SEMA3A: variants seen among roughly 807,000 people sequenced by gnomAD.
SEMA3A encodes semaphorin-3A.
In SEMA3A, 29 loss-of-function variants were observed where a neutral mutation model predicts 97.9. The ratio of observed to expected loss-of-function variants is 0.30; its 90% CI spans 0.22 to 0.40. The LOEUF is 0.40. Among genes scored for constraint, SEMA3A ranks in the 10% least tolerant of loss-of-function variants. The probability of loss-of-function intolerance (pLI) is 1.00; values close to 1 mark genes in which losing one functional copy is unlikely to be tolerated. For missense variants in SEMA3A, 763 were observed against 951.3 expected, an observed-to-expected ratio of 0.80 and a Z score of 2.60; for synonymous variants, 321 against 323.7, an observed-to-expected ratio of 0.99 and a Z score of 0.09.
At chr7:84,051,689 G>C (rs916913314) in intron 5 of SEMA3A, among the ~76,000 whole-genome samples, 1 of 152,026 alleles carries the variant, frequency 6.6e-6, no homozygotes. Context: ...TTTCCTAATT[G>C]AATACCCTTT....
intron 2 of SEMA3A, among the ~76,000 whole-genome samples, chr7:84,332,035 C>T (rs1159312011): frequency 1.3e-5 from 2 of 152,090 alleles, no homozygotes; most frequent in Admixed American, 6.6e-5. Flanking sequence ...AGCTTATTCA[C>T]AAAATTCTCA....
intron 3 of SEMA3A, among the ~76,000 whole-genome samples, chr7:84,258,228 G>A (rs1799761056): frequency 6.6e-6 from 1 of 152,098 alleles, no homozygotes; most frequent in South Asian, 2.1e-4. Flanking sequence ...GGAGATATGT[G>A]GCTTTCAAGC....
intron 15 of SEMA3A, among the ~76,000 whole-genome samples, chr7:83,976,378 T>G (rs2116302598): frequency 6.6e-6 from 1 of 152,262 alleles, no homozygotes; most frequent in African/African-American, 2.4e-5. Flanking sequence ...TTTCAGCCAT[T>G]TTTAACTATG....
intron 3 of SEMA3A, among the ~76,000 whole-genome samples, chr7:84,264,312 A>G (rs1232547284): frequency 6.6e-6 from 1 of 152,174 alleles, no homozygotes; most frequent in Non-Finnish European, 1.5e-5. Context: ...CCTAAAACAA[A>G]CTACTTGGGG....
chr7:84,406,169 A>G (rs1354601203), intron 1 of SEMA3A, among the ~76,000 whole-genome samples: 1 of 152,188 alleles, frequency 6.6e-6, no homozygotes, highest in Non-Finnish European at 1.5e-5. Flanking sequence ...AATAAAGAAG[A>G]AAAGAGAGAA....
At position 84,405,952 on chromosome 7, in the gene SEMA3A, A is replaced by T. The variant is rs556234939; in HGVS notation, c.-245-34052T>A. Among the ~76,000 whole-genome samples the T allele has an allele frequency of 9.8e-5, 15 of 152,318 alleles. No individual in the cohort carries two copies. In the East Asian group the frequency reaches 1.2e-3, roughly 12 times the overall value. On this transcript the variant is annotated intron_variant, in intron 1 of 3. Transcript: ENST00000424555. ...ATGGCCACAAGAGAAAGCAGGAAAG[A>T]TCTAAAATTCACACCCTAACAACAC...
intron 6 of SEMA3A, among the ~76,000 whole-genome samples, chr7:84,025,107 TA>T (rs1791501522): frequency 6.6e-6 from 1 of 151,692 alleles, no homozygotes; most frequent in Non-Finnish European, 1.5e-5. Flanking sequence ...AATAAATAAA[TA>T]AAAATAAGTA....
intron 1 of SEMA3A, among the ~76,000 whole-genome samples, chr7:84,412,382 T>C (rs1164248204): frequency 2.0e-5 from 3 of 152,148 alleles, no homozygotes; most frequent in African/African-American, 7.2e-5. Context: ...GGTGAGTGCT[T>C]AGCAAAAAAG....
intron 1 of SEMA3A, among the ~76,000 whole-genome samples, chr7:84,395,613 TG>T (rs955414911): frequency 1.3e-5 from 2 of 148,586 alleles, no homozygotes; most frequent in Non-Finnish European, 3.0e-5. Context: ...AATTGAATCA[TG>T]GGGGTGGTTT....
At chr7:84,045,229 T>C (rs986947924) in intron 6 of SEMA3A, among the ~76,000 whole-genome samples, 1 of 151,962 alleles carries the variant, frequency 6.6e-6, no homozygotes, top group Non-Finnish European at 1.5e-5. Context: ...CAGAAGTTCA[T>C]AGAATGAGAT....
intron 6 of SEMA3A, among the ~76,000 whole-genome samples, chr7:84,032,020 A>T (rs1390143484): frequency 6.6e-6 from 1 of 152,200 alleles, no homozygotes; most frequent in Admixed American, 6.5e-5. Flanking sequence ...CTTTGTCAAA[A>T]ATTGTTGAAT....
At chr7:84,125,679 A>C (rs2116004591) in intron 3 of SEMA3A, among the ~76,000 whole-genome samples, 1 of 152,324 alleles carries the variant, frequency 6.6e-6, no homozygotes, top group Non-Finnish European at 1.5e-5. Context: ...AGAATCCCTT[A>C]GTTTTTTGTA....
chr7:84,312,872 TTATATA>T (rs377261705), intron 2 of SEMA3A, among the ~76,000 whole-genome samples: 666 of 48,706 alleles, frequency 0.014, 14 homozygotes, highest in African/African-American at 0.026. Flanking sequence ...TGGTGTTGTT[TTATATA>T]TATATATATA....
chr7:84,395,358 GAAA>G (rs35236072), intron 1 of SEMA3A, among the ~76,000 whole-genome samples: 2 of 141,818 alleles, frequency 1.4e-5, no homozygotes, highest in African/African-American at 5.0e-5. Context: ...AAACCCATAG[GAAA>G]AAAAAAAAAG....
At chr7:84,169,000 G>A (rs541751082) in intron 1 of SEMA3A, among the ~76,000 whole-genome samples, 1 of 151,602 alleles carries the variant, frequency 6.6e-6, no homozygotes, top group Admixed American at 6.6e-5. Flanking sequence ...AAAAAATGTT[G>A]AGGCTAATAT....
intron 3 of SEMA3A, among the ~76,000 whole-genome samples, chr7:84,294,036 C>T (rs1800811887): frequency 6.6e-6 from 1 of 152,008 alleles, no homozygotes; most frequent in Admixed American, 6.6e-5. Context: ...CAAACACTTT[C>T]AATCAAGGTA....
chr7:83,988,334 C>A (rs1240971042), intron 12 of SEMA3A, among the ~76,000 whole-genome samples: 1 of 151,886 alleles, frequency 6.6e-6, no homozygotes, highest in East Asian at 1.9e-4. Context: ...TCATGCCATT[C>A]TCCTGCCTCA....
Position 84,473,896 on chromosome 7 carries a change from T to C in SEMA3A, c.-246+18564A>G, listed in dbSNP as rs538562713. On this transcript the variant is annotated intron_variant, in intron 1 of 3. Transcript: ENST00000424555. ...ACTGTGCTGAGTCAGGAATGAGTTATAGTTCTATTTTCCATACCTTTATTG... is the reference window on the plus strand; with the variant it reads ...ACTGTGCTGAGTCAGGAATGAGTTACAGTTCTATTTTCCATACCTTTATTG... 4.6e-5 allele frequency among the ~76,000 whole-genome samples: 7 copies of C among 152,292 alleles called. No homozygotes were observed. In the South Asian group the frequency reaches 8.3e-4, roughly 18 times the overall value.
At chr7:84,482,602 AC>A (rs1806475176) in intron 1 of SEMA3A, among the ~76,000 whole-genome samples, 1 of 152,168 alleles carries the variant, frequency 6.6e-6, no homozygotes, top group Admixed American at 6.5e-5. Flanking sequence ...TGTCCATTAC[AC>A]TGCCTCCCTA....
Sources: allele counts gnomAD v4.1 joint callset (sites outside exome capture counted in the v4.1 genomes callset), GRCh38; gene constraint gnomAD v4.1.1; transcripts MANE v1.5; gene names NCBI Gene and HGNC (gene_info 2026-07-23, HGNC 2026-07-21).